Variants in CYP20A1 observed in about 807,000 individuals in gnomAD.
CYP20A1 encodes cytochrome P450 20A1.
Under a neutral mutation model 61.4 loss-of-function variants are expected in CYP20A1, and 61 were observed. That is an observed-to-expected ratio of 0.99 (90% CI 0.81 to 1.23). CYP20A1 has a LOEUF of 1.23. Ranked by LOEUF, CYP20A1 falls within the 50% of genes most tolerant of loss-of-function variation. CYP20A1 has a pLI of 0.00. For missense variants in CYP20A1, 530 were observed against 542.4 expected, an observed-to-expected ratio of 0.98 and a Z score of 0.23; for synonymous variants, 193 against 188.2, an observed-to-expected ratio of 1.03 and a Z score of -0.21.
chr2:203,242,830 A>G (rs2066302394), intron 1 of CYP20A1, among the ~76,000 whole-genome samples: 1 of 151,972 alleles, frequency 6.6e-6, no homozygotes. Context: ...CTGTTACTAT[A>G]ACCACTCCTT....
chr2:203,275,934 G>A (rs1459681119), intron 6 of CYP20A1, among the ~76,000 whole-genome samples: 1 of 152,134 alleles, frequency 6.6e-6, no homozygotes, highest in African/African-American at 2.4e-5. Context: ...TACATTAAAA[G>A]GTGAAAAATG....
intron 1 of CYP20A1, among the ~76,000 whole-genome samples, chr2:203,239,347 C>T (rs945998636): frequency 1.1e-4 from 16 of 152,152 alleles, no homozygotes; most frequent in Admixed American, 8.5e-4. Context: ...CGTCGCTACC[C>T]CTCAGGCGCC....
intron 8 of CYP20A1, among the ~76,000 whole-genome samples, chr2:203,282,857 A>G (rs1472398173): frequency 6.6e-6 from 1 of 152,178 alleles, no homozygotes; most frequent in Non-Finnish European, 1.5e-5. Context: ...TCTCTAAGCT[A>G]TGAAATTGTG....
intron 4 of CYP20A1, among the ~76,000 whole-genome samples, chr2:203,263,584 G>A (rs1374220795): frequency 1.3e-5 from 2 of 152,216 alleles, no homozygotes; most frequent in African/African-American, 4.8e-5. Flanking sequence ...CACCGCTCCC[G>A]GCCCGTATGC....
At chr2:203,279,998 A>G in intron 7 of CYP20A1, 61 bp from the exon 8 acceptor site, 1 of 1,045,286 alleles carries the variant, frequency 9.6e-7, no homozygotes, top group Non-Finnish European at 1.4e-6. Context: ...TTATTTTAGC[A>G]GGGCCTAATA....
At position 203,266,587 on chromosome 2, in the gene CYP20A1, T is replaced by C. The variant is rs1461011641; in HGVS notation, c.506T>C (p.Leu169Pro). 6.2e-6 allele frequency: 10 copies of C among 1,613,882 alleles called. No individual in the cohort carries two copies. In the South Asian group the frequency reaches 1.1e-4, roughly 18 times the overall value. ...CACGTGCCCCTCAGCCAGCATATGC[T>C]TGGTTTTGCTATGAAGTCTGTTACA... ...TQHVPLSQHM[L>P]GFAMKSVTQM... Residue 169 changes from leucine to proline, a missense_variant, in exon 5 of 13, where the codon CTT becomes CCT. Transcript: ENST00000356079.
At chr2:203,239,856 G>C (rs1186038732) in intron 1 of CYP20A1, among the ~76,000 whole-genome samples, 1 of 152,210 alleles carries the variant, frequency 6.6e-6, no homozygotes, top group Non-Finnish European at 1.5e-5. Context: ...TACACACTTT[G>C]GGAGGCTGAG....
intron 3 of CYP20A1, among the ~76,000 whole-genome samples, chr2:203,247,811 C>T (rs778033085): frequency 3.3e-5 from 5 of 151,812 alleles, no homozygotes; most frequent in East Asian, 1.9e-4. Context: ...GAGCTGAGAT[C>T]GCACCACTGC....
intron 4 of CYP20A1, among the ~76,000 whole-genome samples, chr2:203,255,848 G>T (rs1041850872): frequency 6.6e-6 from 1 of 152,158 alleles, no homozygotes; most frequent in African/African-American, 2.4e-5. Context: ...TGCACCTCCA[G>T]TCATCCACAC....
chr2:203,289,857 G>T lies in CYP20A1; in HGVS notation c.1064G>T (p.Arg355Leu). ...CAAGATATTGAAGGAAAAATTGACC[G>T]ATTTATTATTCCTAGAGAGGTAGAA... ...QLQDIEGKID[R>L]FIIPRETLVL... The change falls in exon 10 of 13, where the codon CGA (arginine) becomes CTA (leucine). Residue 355 changes from arginine (R) to leucine (L), a missense_variant. Arg to Leu is a moderately radical substitution (Grantham distance 102, BLOSUM62 -2). Transcript: ENST00000356079. 1 of 1,574,572 alleles carries T rather than the reference G, an allele frequency of 6.4e-7. No homozygotes were observed. Among genetic ancestry groups the T allele is most frequent in the Non-Finnish European group, 8.7e-7 (1 of 1,151,686 alleles).
At chr2:203,248,922 G>T (rs1191724059) in intron 3 of CYP20A1, among the ~76,000 whole-genome samples, 1 of 152,078 alleles carries the variant, frequency 6.6e-6, no homozygotes, top group Non-Finnish European at 1.5e-5. Context: ...CGTTGCCCAG[G>T]CTGGCCTCCA....
At chr2:203,289,975 T>A (rs1387335223) in intron 10 of CYP20A1, 99 bp downstream of exon 10, 1 of 445,886 alleles carries the variant, frequency 2.2e-6, no homozygotes, top group Non-Finnish European at 3.8e-6. Flanking sequence ...AGGTTTGCTC[T>A]TGTCACCCAG....
At chr2:203,253,372 A>G (rs2066770255) in intron 4 of CYP20A1, among the ~76,000 whole-genome samples, 1 of 152,150 alleles carries the variant, frequency 6.6e-6, no homozygotes, top group South Asian at 2.1e-4. Flanking sequence ...CCCCTGGCCC[A>G]GGGCTCCGGG....
chr2:203,262,658 C>A (rs2067180484), intron 4 of CYP20A1, among the ~76,000 whole-genome samples: 1 of 151,966 alleles, frequency 6.6e-6, no homozygotes, highest in South Asian at 2.1e-4. Flanking sequence ...ATATTTCTGT[C>A]ATATACAAGT....
chr2:203,243,659 C>T (rs1389717119), intron 1 of CYP20A1, among the ~76,000 whole-genome samples: 2 of 145,264 alleles, frequency 1.4e-5, no homozygotes, highest in African/African-American at 5.1e-5. Flanking sequence ...ACTGGGATTA[C>T]AGGTATGAGC....
At chr2:203,282,936 A>G (rs984279005) in intron 8 of CYP20A1, among the ~76,000 whole-genome samples, 2 of 152,162 alleles carry the variant, frequency 1.3e-5, no homozygotes, top group African/African-American at 4.8e-5. Flanking sequence ...ATTTTCAGTC[A>G]TCATTTTTAA....
chr2:203,247,599 C>T (rs559917701), intron 3 of CYP20A1, among the ~76,000 whole-genome samples: 1 of 152,138 alleles, frequency 6.6e-6, no homozygotes. Context: ...TGGCTCACAC[C>T]TGTAATCTCA....
chr2:203,249,977 TCTC>T (rs2066600956), intron 3 of CYP20A1, among the ~76,000 whole-genome samples: 1 of 152,202 alleles, frequency 6.6e-6, no homozygotes. Flanking sequence ...ATTTTACTTA[TCTC>T]CCTAGAAGAG....
rs950729302 is a variant in CYP20A1, at chr2:203,300,338, T to G, written c.*3430T>G. 7.9e-5 allele frequency among the ~76,000 whole-genome samples: 12 copies of G among 152,212 alleles called. No individual in the cohort carries two copies. The highest frequency in any genetic ancestry group is 1.6e-4 in the Non-Finnish European group (11 of 68,038). On this transcript the variant is annotated 3_prime_UTR_variant, in exon 13 of 13. Coordinates refer to ENST00000356079, the MANE Select transcript of CYP20A1 (RefSeq NM_177538.3). ...ACTGTTAATATATAAACTAAGTTAT[T>G]CATTCACTGTTTTTCTTCACAGTAA... is the stretch of plus-strand genomic sequence containing the variant.
Sources: gnomAD v4.1 joint callset for allele counts (sites outside exome capture counted in the v4.1 genomes callset) on GRCh38, gnomAD v4.1.1 for gene constraint, MANE v1.5 for transcripts, NCBI Gene and HGNC (gene_info 2026-07-23, HGNC 2026-07-21) for gene names.